The following RCC1 variants were observed in gnomAD, a reference collection of about 807,000 sequenced individuals.
The protein encoded by RCC1 is regulator of chromosome condensation.
RCC1 carries 11 observed loss-of-function variants against 44.4 expected under a neutral mutation model. The observed-to-expected ratio is 0.25, with a 90% CI of 0.16 to 0.41. The LOEUF (loss-of-function observed/expected upper bound fraction) is 0.41, where lower values mean the gene tolerates loss of function less well. Ranked by LOEUF, RCC1 falls within the 10% of genes least tolerant of loss-of-function variation. RCC1 has a pLI of 1.00. For missense variants in RCC1, 386 were observed against 547.1 expected (o/e 0.71, Z 2.94); for synonymous variants, 213 against 216.5 (o/e 0.98, Z 0.14).
At chr1:28,532,395 T>G (rs976550948) in intron 7 of RCC1, 45 bp downstream of exon 7, 1 of 1,601,476 alleles carries the variant, frequency 6.2e-7, no homozygotes, top group South Asian at 1.1e-5. Flanking sequence ...AAAGACAGAA[T>G]TAATTGGCGG....
chr1:28,506,233 G>A, intron 1 of RCC1, 149 bp downstream of exon 1: 1 of 421,848 alleles, frequency 2.4e-6, no homozygotes, highest in Non-Finnish European at 4.6e-6. Flanking sequence ...GAGTCGGTTT[G>A]TCACTCAGGC....
rs149449649 is a variant in RCC1, at chr1:28,536,264, A to G, written c.820A>G (p.Thr274Ala). ...FGLSNYHQLG[T>A]PGTESCFIPQ... ...GATGGCTCCGGCCTTTCCCCCAGGA[A>G]CTCCGGGCACAGAATCTTGCTTCAT... Residue 274 changes from threonine to alanine, a missense_variant and splice_region_variant, in exon 11 of 13, where the codon ACT (threonine) becomes GCT (alanine). Physicochemically the swap from Thr to Ala is moderately conservative, Grantham distance 58 (BLOSUM62 0). Coordinates refer to ENST00000683442, the MANE Select transcript of RCC1 (RefSeq NM_001381865.2). This position sits in a 1 kb window ranked among gnomAD's most constrained non-coding sequence, Gnocchi z 4.9. 1 of 1,613,838 alleles carries G rather than the reference A, an allele frequency of 6.2e-7. No homozygotes were observed. Among genetic ancestry groups the G allele is most frequent in the South Asian group, 1.1e-5 (1 of 91,054 alleles).
Position 28,521,481 on chromosome 1 carries a change from C to G in RCC1, c.-10+4614C>G, listed in dbSNP as rs557536349. Among the ~76,000 whole-genome samples, 6 of 136,534 alleles carry G rather than the reference C, an allele frequency of 4.4e-5. No individual in the cohort carries two copies. The South Asian group carries it at 1.1e-3, about 26-fold the overall frequency. 89.6% of individuals were successfully genotyped at this position (136,534 alleles called of 152,430 possible). On this transcript the variant is annotated intron_variant, in intron 4 of 12. Transcript: ENST00000683442. ...GCGCCATTGCCTCCAGACTGGGCGA[C>G]AGAGCGAGACTCCACCTCAGAAAAA...
At chr1:28,529,326 G>A (rs895063273) in intron 4 of RCC1, among the ~76,000 whole-genome samples, 1 of 151,064 alleles carries the variant, frequency 6.6e-6, no homozygotes, top group African/African-American at 2.4e-5. Context: ...TGGGATTACA[G>A]GTGCCCATCA....
intron 4 of RCC1, among the ~76,000 whole-genome samples, chr1:28,523,616 G>A (rs890591483): frequency 6.6e-6 from 1 of 151,944 alleles, no homozygotes; most frequent in Non-Finnish European, 1.5e-5. Flanking sequence ...CTCCATTCCG[G>A]GCTGTGCTCA....
chr1:28,527,005 T>C (rs1320963020), intron 4 of RCC1: 3 of 832,440 alleles, frequency 3.6e-6, no homozygotes, highest in Non-Finnish European at 6.4e-6. Context: ...TGACCACGGC[T>C]GTACCCTTAA....
chr1:28,535,651 C>T (rs760709911), intron 9 of RCC1: 104 of 757,398 alleles, frequency 1.4e-4, no homozygotes, highest in Non-Finnish European at 2.5e-5. Flanking sequence ...GAATATCAGG[C>T]AGATGGTAAG....
intron 1 of RCC1, chr1:28,507,239 T>G: frequency 2.3e-6 from 1 of 435,444 alleles, no homozygotes; most frequent in Non-Finnish European, 4.5e-6. Context: ...GAAACCGATT[T>G]TTTTTTAACA....
At chr1:28,508,758 CAT>C (rs148695641) in intron 2 of RCC1, 70 bp from the exon 3 acceptor site, 28,747 of 518,948 alleles carry the variant, frequency 0.055, 2,636 homozygotes, top group African/African-American at 0.3. Context: ...ATGCAGGAAA[CAT>C]ATCTAGTATA....
At chr1:28,506,213 T>A in intron 1 of RCC1, 129 bp downstream of exon 1, 1 of 440,450 alleles carries the variant, frequency 2.3e-6, no homozygotes, top group Non-Finnish European at 4.5e-6. Context: ...TTTTTTTTTT[T>A]TTTGAGACGG....
chr1:28,531,738 A>C, intron 5 of RCC1, 65 bp from the exon 6 acceptor site: 1 of 1,379,566 alleles, frequency 7.2e-7, no homozygotes, highest in Non-Finnish European at 9.7e-7. Context: ...CTGATCCCAG[A>C]GCCTGTGACC....
At chr1:28,527,068 A>C (rs927069581) in intron 4 of RCC1, 3 of 869,342 alleles carry the variant, frequency 3.5e-6, no homozygotes, top group Non-Finnish European at 5.9e-6. Flanking sequence ...AACTGGTACC[A>C]GAATTTTGCT....
At chr1:28,537,692 C>G (rs1224878737) in intron 12 of RCC1, 140 bp from the exon 13 acceptor site, 1 of 801,942 alleles carries the variant, frequency 1.2e-6, no homozygotes, top group East Asian at 2.7e-5. Context: ...CCCAACTTCC[C>G]TGAACTCCCA....
chr1:28,528,597 C>T (rs1445828247), intron 4 of RCC1, among the ~76,000 whole-genome samples: 1 of 152,126 alleles, frequency 6.6e-6, no homozygotes, highest in African/African-American at 2.4e-5. Context: ...CTGTGCGCTC[C>T]AGCCTGGCGA....
At chr1:28,515,533 A>G (rs567024088) in intron 3 of RCC1, among the ~76,000 whole-genome samples, 22 of 151,060 alleles carry the variant, frequency 1.5e-4, no homozygotes, top group African/African-American at 4.9e-4. Flanking sequence ...CCTGGCCAAC[A>G]TGGTGAAACC....
intron 3 of RCC1, among the ~76,000 whole-genome samples, chr1:28,513,585 C>CTT (rs563107845): frequency 6.8e-6 from 1 of 146,638 alleles, no homozygotes; most frequent in Non-Finnish European, 1.5e-5. Context: ...AGGCTATTTA[C>CTT]TTTTTTTTTT....
intron 1 of RCC1, chr1:28,506,294 C>G (rs142712867): frequency 2.9e-5 from 13 of 442,510 alleles, no homozygotes; most frequent in African/African-American, 2.1e-4. Flanking sequence ...AAGCGATTCT[C>G]GTGCCTCAGC....
At chr1:28,511,646 G>C (rs1662550006) in intron 3 of RCC1, among the ~76,000 whole-genome samples, 1 of 151,734 alleles carries the variant, frequency 6.6e-6, no homozygotes, top group Non-Finnish European at 1.5e-5. Flanking sequence ...TGGGTTTACA[G>C]GCGTCAGCCA....
At chr1:28,506,201 CTTT>C (rs56695711) in intron 1 of RCC1, 117 bp downstream of exon 1, 279 of 398,034 alleles carry the variant, frequency 7.0e-4, no homozygotes, top group Admixed American at 1.1e-3. Flanking sequence ...TATTTATTTA[CTTT>C]TTTTTTTTTT....
Sources: allele counts gnomAD v4.1 joint callset (sites outside exome capture counted in the v4.1 genomes callset), GRCh38; gene constraint gnomAD v4.1.1; non-coding constraint Gnocchi (gnomAD v3.1); transcripts MANE v1.5; gene names NCBI Gene and HGNC (gene_info 2026-07-23, HGNC 2026-07-21).